Variants in MAGED1 observed in about 807,000 individuals in gnomAD.
MAGED1 encodes the protein MAGE family member D1.
Under a neutral mutation model 54.1 loss-of-function variants are expected in MAGED1, and 3 were observed. The observed-to-expected ratio is 0.06, with a 90% CI of 0.03 to 0.14. The LOEUF is 0.14. Among genes scored for constraint, MAGED1 ranks in the 10% least tolerant of loss-of-function variants. The pLI is 1.00. For missense variants in MAGED1, 485 were observed against 623.4 expected (o/e 0.78, Z 2.36); for synonymous variants, 217 against 227.3 (o/e 0.95, Z 0.41).
At chrX:51,836,845 A>T (rs1926272695) in intron 1 of MAGED1, among the ~76,000 whole-genome samples, 1 of 111,428 alleles carries the variant, frequency 9.0e-6, no homozygotes, top group Non-Finnish European at 1.9e-5. Context: ...AAGTGCTGGG[A>T]TTACAAGTAT....
chrX:51,822,478 T>C (rs1925672966), intron 1 of MAGED1, among the ~76,000 whole-genome samples: 1 of 111,224 alleles, frequency 9.0e-6, no homozygotes, highest in Admixed American at 9.6e-5. Context: ...GTACCAACTT[T>C]TATTTTCATT....
At chrX:51,851,883 A>C (rs782103022) in intron 1 of MAGED1, among the ~76,000 whole-genome samples, 1 of 111,878 alleles carries the variant, frequency 8.9e-6, no homozygotes, top group South Asian at 3.7e-4. Flanking sequence ...AGAAAGTGAA[A>C]CCACAGATAA....
At position 51,808,821 on chromosome X, in the gene MAGED1, T is replaced by C. The variant is rs193250488; in HGVS notation, c.-37+5704T>C. Among the ~76,000 whole-genome samples the C allele has an allele frequency of 6.1e-3, 688 of 112,848 alleles. 11 individuals are homozygous for C. Among genetic ancestry groups the C allele is most frequent in the African/African-American group, 0.021 (653 of 31,112 alleles). Reference sequence around the variant, plus strand: ...TTTTATCTATTCTCACCCATTTTTTTCCACATCCCAGATATGTCATTACAC... The same window carrying C: ...TTTTATCTATTCTCACCCATTTTTTCCCACATCCCAGATATGTCATTACAC... On this transcript the variant is annotated intron_variant, in intron 1 of 12. Coordinates refer to the MAGED1 transcript ENST00000375772.
At chrX:51,825,335 G>T (rs1925816310) in intron 1 of MAGED1, among the ~76,000 whole-genome samples, 1 of 111,592 alleles carries the variant, frequency 9.0e-6, no homozygotes, top group African/African-American at 3.3e-5. Context: ...TGTGTCAAAA[G>T]ACAAAATTAC....
intron 1 of MAGED1, among the ~76,000 whole-genome samples, chrX:51,874,531 T>C (rs1326799686): frequency 9.0e-6 from 1 of 111,659 alleles, no homozygotes; most frequent in Admixed American, 9.5e-5. Flanking sequence ...CCATTATGTC[T>C]TCAAGTTCAC....
chrX:51,824,283 C>T (rs1442019434), intron 1 of MAGED1, among the ~76,000 whole-genome samples: 4 of 110,740 alleles, frequency 3.6e-5, no homozygotes, highest in Non-Finnish European at 1.9e-5. Context: ...AGTTTTACTT[C>T]CTTTATTAGA....
intron 1 of MAGED1, among the ~76,000 whole-genome samples, chrX:51,837,139 G>C (rs781851764): frequency 9.0e-6 from 1 of 111,545 alleles, no homozygotes; most frequent in South Asian, 3.8e-4. Context: ...ATTTCTCAAG[G>C]ATTATTGGCC....
intron 1 of MAGED1, among the ~76,000 whole-genome samples, chrX:51,817,323 T>G (rs1372400170): frequency 8.9e-6 from 1 of 112,017 alleles, no homozygotes; most frequent in East Asian, 2.8e-4. Context: ...CCAATTTGGC[T>G]TGTTCTTAAA....
chrX:51,862,622 G>A (rs1454463308), intron 1 of MAGED1, among the ~76,000 whole-genome samples: 3 of 111,427 alleles, frequency 2.7e-5, no homozygotes, highest in Non-Finnish European at 3.8e-5. Context: ...CTAGTTGTAC[G>A]AGAAAAGGGT....
At chrX:51,897,180 G>T (rs1557364423) in intron 4 of MAGED1, 28 bp from the exon 5 acceptor site, 1 of 1,206,248 alleles carries the variant, frequency 8.3e-7, no homozygotes, top group Admixed American at 2.2e-5. Flanking sequence ...TATTTTATAA[G>T]TTTAATGATT....
chrX:51,822,701 C>A (rs1183530256), intron 1 of MAGED1, among the ~76,000 whole-genome samples: 1 of 110,451 alleles, frequency 9.1e-6, no homozygotes, highest in African/African-American at 3.3e-5. Flanking sequence ...GTGTGGAGTT[C>A]TTTTTATACG....
chrX:51,894,776 T>G, intron 2 of MAGED1: 1 of 1,147,000 alleles, frequency 8.7e-7, no homozygotes. Flanking sequence ...GCACGCCTCT[T>G]GGAGCGTCCC....
At chrX:51,842,248 TGTGACACA>T (rs1557358707) in intron 1 of MAGED1, among the ~76,000 whole-genome samples, 6 of 112,249 alleles carry the variant, frequency 5.3e-5, no homozygotes, top group African/African-American at 1.6e-4. Flanking sequence ...CACTGTACTA[TGTGACACA>T]TTAATAGAAG....
chrX:51,890,270 A>G (rs1219591691), upstream of MAGED1, among the ~76,000 whole-genome samples: 2 of 112,666 alleles, frequency 1.8e-5, no homozygotes, highest in Admixed American at 9.4e-5. Flanking sequence ...AGCACTGGCC[A>G]TACAACTCCA....
At position 51,897,886 on chromosome X, in the gene MAGED1, C is replaced by T. The variant is rs782505944; in HGVS notation, c.1658C>T (p.Thr553Met). The change falls in exon 7 of 13, where the codon ACG becomes ATG. Residue 553 changes from threonine (T) to methionine (M), a missense_variant and splice_region_variant. Thr to Met is a moderately conservative substitution (Grantham distance 81). Transcript: ENST00000326587. ...GAGTCCCTGGCTGGCATACTGGGAA[C>T]GTAAGATGGGAAAGAAGGTGGAACA... Reference protein sequence around the residue: ...TPESLAGILGTTKDTPKLGLL... With the variant: ...TPESLAGILGMTKDTPKLGLL... The T allele has an allele frequency of 8.5e-6, 10 of 1,177,799 alleles. No individual in the cohort carries two copies. Among genetic ancestry groups the T allele is most frequent in the Admixed American group, 2.2e-5 (1 of 45,403 alleles).
chrX:51,839,860 C>T (rs782211436), intron 1 of MAGED1, among the ~76,000 whole-genome samples: 1 of 112,258 alleles, frequency 8.9e-6, no homozygotes, highest in East Asian at 2.8e-4. Flanking sequence ...TAATAGAAAT[C>T]TGTCCTTCAA....
intron 1 of MAGED1, among the ~76,000 whole-genome samples, chrX:51,839,992 C>T (rs782551672): frequency 1.7e-3 from 186 of 112,007 alleles, no homozygotes; most frequent in Non-Finnish European, 2.3e-3. Context: ...TTTTCAATAA[C>T]GCTAATACAT....
chrX:51,837,055 G>A lies in MAGED1; in HGVS notation c.-37+33938G>A, dbSNP rs140607908. Among the ~76,000 whole-genome samples the A allele has an allele frequency of 2.3e-3, 257 of 111,742 alleles. 8 individuals carry two copies. In the East Asian group the frequency reaches 0.066, roughly 29 times the overall value. Reference sequence around the variant, plus strand: ...AGGTTCTGACTCAGTTATTACCCTTGCCTGTGGCATGATCTGAAAATTCTC... The same window carrying A: ...AGGTTCTGACTCAGTTATTACCCTTACCTGTGGCATGATCTGAAAATTCTC... On this transcript the variant is annotated intron_variant, in intron 1 of 12. Coordinates refer to the MAGED1 transcript ENST00000375772.
chrX:51,856,134 A>G (rs1557360167), intron 1 of MAGED1, among the ~76,000 whole-genome samples: 1 of 112,189 alleles, frequency 8.9e-6, no homozygotes, highest in Non-Finnish European at 1.9e-5. Flanking sequence ...TCCCATCATT[A>G]AAATATACCA....
Sources: gnomAD v4.1 joint callset for allele counts (sites outside exome capture counted in the v4.1 genomes callset) on GRCh38, gnomAD v4.1.1 for gene constraint, MANE v1.5 for transcripts, NCBI Gene and HGNC (gene_info 2026-07-23, HGNC 2026-07-21) for gene names.